Variants in BOK observed in about 807,000 individuals in gnomAD.
BOK encodes BCL2 family apoptosis regulator BOK, also known as bcl-2-related ovarian killer protein.
BOK carries 20 observed loss-of-function variants against 18.3 expected under a neutral mutation model. That is an observed-to-expected ratio of 1.09 (90% CI 0.77 to 1.59). The LOEUF (loss-of-function observed/expected upper bound fraction) is 1.59, where lower values mean the gene tolerates loss of function less well. Among genes scored for constraint, BOK ranks in the 40% most tolerant of loss-of-function variants. The pLI, the probability that BOK is intolerant of heterozygous loss-of-function variation, is 0.00. For missense variants in BOK, 348 were observed against 307.9 expected, an observed-to-expected ratio of 1.13 and a Z score of -0.97; for synonymous variants, 173 against 142.4, an observed-to-expected ratio of 1.21 and a Z score of -1.53.
At chr2:241,570,316 G>T in intron 4 of BOK, 28 bp downstream of exon 4, 1 of 1,537,730 alleles carries the variant, frequency 6.5e-7, no homozygotes, top group Non-Finnish European at 8.7e-7. Context: ...CGTGTGGGTG[G>T]GAGAGCTGGG....
chr2:241,568,294 G>T (rs1447251941), intron 3 of BOK, among the ~76,000 whole-genome samples: 5 of 151,238 alleles, frequency 3.3e-5, no homozygotes, highest in Non-Finnish European at 7.4e-5. Flanking sequence ...CTAATTTTTT[G>T]TGTTTTTAGT....
intron 4 of BOK, among the ~76,000 whole-genome samples, chr2:241,571,910 CGGCGGCATACCTGTAG>C (rs1559207094): frequency 5.9e-5 from 9 of 152,346 alleles, no homozygotes; most frequent in African/African-American, 2.2e-4. Flanking sequence ...AGGAGGATGA[CGGCGGCATACCTGTAG>C]CCCCTGGGGG....
chr2:241,559,791 C>G, intron 2 of BOK, 88 bp downstream of exon 2: 1 of 1,240,992 alleles, frequency 8.1e-7, no homozygotes, highest in Non-Finnish European at 1.0e-6. Flanking sequence ...GGGTCCGGCC[C>G]AGGGGCGCCC....
Position 241,559,472 on chromosome 2 carries a change from C to G in BOK, c.-12C>G. ...GCCCGCAGGTGCGGCGCCCCCCACC[C>G]GCGTCGCCGCCATGGAGGTGCTGCG... On this transcript the variant is annotated 5_prime_UTR_variant, in exon 2 of 5. Transcript: ENST00000318407. 2 of 1,452,452 alleles carry G rather than the reference C, an allele frequency of 1.4e-6. No individual in the cohort carries two copies. The highest frequency in any genetic ancestry group is 1.8e-6 in the Non-Finnish European group (2 of 1,105,882). The allele number at this position is 1,452,452 out of a possible 1,614,324, so 90.0% of individuals were successfully genotyped here.
chr2:241,567,095 C>A (rs1386478307), intron 3 of BOK, among the ~76,000 whole-genome samples: 1 of 133,240 alleles, frequency 7.5e-6, no homozygotes, highest in East Asian at 2.6e-4. Context: ...TCTTTCCCAT[C>A]CACCCCTCTG....
Position 241,562,249 on chromosome 2 carries a change from T to C in BOK, c.221-99T>C. ...TGAGGAACAGGCTGGAATTCAAGCA[T>C]GGTCAGGTGGGGGTCAGGTGCAGGG... On this transcript the variant is annotated intron_variant, in intron 2 of 4. Transcript: ENST00000318407. The surrounding 1 kb of genome is among the most constrained non-coding windows in gnomAD (Gnocchi z 4.5). 7.0e-7 allele frequency: 1 copy of C among 1,423,252 alleles called. No individual in the cohort carries two copies. The highest frequency in any genetic ancestry group is 9.4e-7 in the Non-Finnish European group (1 of 1,065,028). 88.2% of individuals were successfully genotyped at this position (1,423,252 alleles called of 1,614,324 possible).
At chr2:241,556,615 C>T (rs2066453426), upstream of BOK, among the ~76,000 whole-genome samples, 1 of 150,936 alleles carries the variant, frequency 6.6e-6, no homozygotes, top group East Asian at 1.9e-4. Context: ...ATTCAGTCCT[C>T]TCAACAATCC....
upstream of BOK, chr2:241,558,696 C>G (rs1403034714): frequency 6.6e-6 from 1 of 152,276 alleles, no homozygotes; most frequent in Admixed American, 6.5e-5. Flanking sequence ...CTCCCCGACT[C>G]CGCCCCCAGG....
chr2:241,568,849 G>A (rs970843119), intron 3 of BOK, among the ~76,000 whole-genome samples: 1 of 152,250 alleles, frequency 6.6e-6, no homozygotes, highest in Non-Finnish European at 1.5e-5. Context: ...GTTTGTTTGA[G>A]CTGATTTATG....
rs184147346 is a variant in BOK, at chr2:241,568,355, C to T, written c.350-1770C>T. On this transcript the variant is annotated intron_variant, in intron 3 of 4. Transcript: ENST00000318407. ...CAGGATGGTTTCGATCTCCTGACCT[C>T]GTGATCCACCTGCCTCGGCCTCCCA... is the stretch of plus-strand genomic sequence containing the variant. Among the ~76,000 whole-genome samples the T allele has an allele frequency of 8.2e-3, 1,253 of 152,184 alleles. 9 individuals carry two copies. The highest frequency in any genetic ancestry group is 0.013 in the Non-Finnish European group (900 of 68,032).
chr2:241,556,925 G>T (rs2066456783), upstream of BOK, among the ~76,000 whole-genome samples: 1 of 152,180 alleles, frequency 6.6e-6, no homozygotes, highest in Admixed American at 6.5e-5. Flanking sequence ...AATTGGTGTA[G>T]GACTATCCAG....
At chr2:241,558,369 T>C (rs182238915), upstream of BOK, among the ~76,000 whole-genome samples, 4 of 152,316 alleles carry the variant, frequency 2.6e-5, no homozygotes, top group Non-Finnish European at 4.4e-5. Flanking sequence ...CTCCTGTTCA[T>C]CCAAAGCAAA....
intron 2 of BOK, chr2:241,560,001 C>G: frequency 2.2e-6 from 2 of 889,550 alleles, no homozygotes; most frequent in Non-Finnish European, 2.7e-6. Flanking sequence ...TCCACAGTGA[C>G]CCTTGTTCTC....
chr2:241,558,181 GA>G (rs35484638), upstream of BOK, among the ~76,000 whole-genome samples: 7,386 of 151,376 alleles, frequency 0.049, 253 homozygotes, highest in Non-Finnish European at 0.075. Flanking sequence ...ATATCTACAC[GA>G]AAAAAAATGA....
At chr2:241,565,426 C>T (rs112038351) in intron 3 of BOK, among the ~76,000 whole-genome samples, 4 of 152,152 alleles carry the variant, frequency 2.6e-5, no homozygotes, top group African/African-American at 9.6e-5. Flanking sequence ...GGCAGTTGCA[C>T]CCCCAGCCCC....
At chr2:241,558,052 G>GAAACACACACACACACAC (rs61316533), upstream of BOK, among the ~76,000 whole-genome samples, 1 of 135,742 alleles carries the variant, frequency 7.4e-6, no homozygotes. Context: ...ATAGAGTTCC[G>GAAACACACACACACACAC]AGACACACAC....
rs539054702 is a variant in BOK, at chr2:241,562,061, G to A, written c.221-287G>A. On this transcript the variant is annotated intron_variant, in intron 2 of 4. Transcript: ENST00000318407. This position sits in a 1 kb window ranked among gnomAD's most constrained non-coding sequence, Gnocchi z 4.5. ...CGGCCCACGCTCTCGCAGGATTCCC[G>A]CCCCACCGGCTTGGCCGGCTAGGCT... Among the ~76,000 whole-genome samples the A allele has an allele frequency of 3.3e-5, 5 of 152,368 alleles. No individual in the cohort carries two copies. Among genetic ancestry groups the A allele is most frequent in the African/African-American group, 9.6e-5 (4 of 41,590 alleles).
intron 3 of BOK, among the ~76,000 whole-genome samples, chr2:241,565,722 G>C (rs2066600738): frequency 6.6e-6 from 1 of 152,130 alleles, no homozygotes; most frequent in Non-Finnish European, 1.5e-5. Context: ...GCAGGGCAGG[G>C]CTCCGTGGGG....
intron 1 of BOK, 138 bp downstream of exon 1, chr2:241,559,131 A>G (rs2066483320): frequency 5.8e-6 from 1 of 173,422 alleles, no homozygotes; most frequent in South Asian, 2.0e-4. Flanking sequence ...GGGTCCTGGC[A>G]GTCGCCGTGG....
Sources: gnomAD v4.1 joint callset for allele counts (sites outside exome capture counted in the v4.1 genomes callset) on GRCh38, gnomAD v4.1.1 for gene constraint, Gnocchi (gnomAD v3.1) non-coding constraint, MANE v1.5 for transcripts, NCBI Gene and HGNC (gene_info 2026-07-23, HGNC 2026-07-21) for gene names.